Variants in SLCO3A1 observed in about 807,000 individuals in gnomAD.
The protein encoded by SLCO3A1 is solute carrier organic anion transporter family member 3A1.
SLCO3A1 carries 27 observed loss-of-function variants against 63.1 expected under a neutral mutation model. The observed-to-expected ratio is 0.43, with a 90% CI of 0.32 to 0.59. The LOEUF is 0.59. SLCO3A1 is among the 20% of genes least tolerant of loss of function. The probability of loss-of-function intolerance (pLI) is 0.09; values close to 1 mark genes in which losing one functional copy is unlikely to be tolerated. For missense variants in SLCO3A1, 773 were observed against 945.8 expected, an observed-to-expected ratio of 0.82 and a Z score of 2.40; for synonymous variants, 473 against 409.9, an observed-to-expected ratio of 1.15 and a Z score of -1.86.
intron 7 of SLCO3A1, among the ~76,000 whole-genome samples, chr15:92,132,154 G>A (rs2048004065): frequency 6.9e-6 from 1 of 145,436 alleles, no homozygotes; most frequent in South Asian, 2.2e-4. Flanking sequence ...GCCAGTTTCA[G>A]TACTAAAGAC....
intron 2 of SLCO3A1, among the ~76,000 whole-genome samples, chr15:92,028,972 G>GTGTGT (rs2046612564): frequency 1.8e-5 from 2 of 109,078 alleles, no homozygotes; most frequent in South Asian, 6.4e-4. Flanking sequence ...CCTGACCCAT[G>GTGTGT]GTCAAACAAC....
chr15:92,172,013 C>CGCA (rs1360641788), exon 11 of SLCO3A1: 1 of 642,318 alleles, frequency 1.6e-6, no homozygotes, highest in Non-Finnish European at 2.8e-6. Flanking sequence ...AGGCCCCAAG[C>CGCA]GCAGGCCTGT....
intron 2 of SLCO3A1, among the ~76,000 whole-genome samples, chr15:92,073,480 T>C (rs1231968898): frequency 6.6e-6 from 1 of 152,186 alleles, no homozygotes; most frequent in African/African-American, 2.4e-5. Context: ...TTTCATCTTT[T>C]CCTTTGGCAG....
chr15:91,878,483 G>A (rs949542178), intron 1 of SLCO3A1, among the ~76,000 whole-genome samples: 1 of 152,130 alleles, frequency 6.6e-6, no homozygotes, highest in African/African-American at 2.4e-5. Flanking sequence ...TGTTTGCAGG[G>A]CATGGTGTCA....
chr15:92,031,992 T>A (rs1263038776), intron 2 of SLCO3A1, among the ~76,000 whole-genome samples: 1 of 152,118 alleles, frequency 6.6e-6, no homozygotes, highest in Non-Finnish European at 1.5e-5. Context: ...TGTAAATGGA[T>A]GTCAGTTCTG....
Position 91,880,170 on chromosome 15 carries a change from C to CTATCTATCTATCTATCT in SLCO3A1, c.180+26082_180+26083insTATCTATCTATCTATCT, listed in dbSNP as rs1567168784. 3.6e-3 allele frequency among the ~76,000 whole-genome samples: 451 copies of CTATCTATCTATCTATCT among 126,124 alleles called. 5 individuals are homozygous for CTATCTATCTATCTATCT. Among genetic ancestry groups the CTATCTATCTATCTATCT allele is most frequent in the African/African-American group, 0.013 (408 of 31,590 alleles). 82.7% of individuals were successfully genotyped at this position (126,124 alleles called of 152,430 possible). A position where few individuals can be genotyped will look rare whatever the true frequency, so the allele number is the denominator to read the frequency against. On this transcript the variant is annotated intron_variant, in intron 1 of 9. Coordinates refer to ENST00000318445, the MANE Select transcript of SLCO3A1 (RefSeq NM_013272.4). ...CCATCCATCCATCCATCCATCCATC[C>CTATCTATCTATCTATCT]ATCTATCTATCTATCTATCTATCTA...
At position 91,957,191 on chromosome 15, in the gene SLCO3A1, G is replaced by C. The variant is rs150785089; in HGVS notation, c.646+40733G>C. Among the ~76,000 whole-genome samples the C allele has an allele frequency of 5.8e-3, 645 of 110,442 alleles. 7 individuals are homozygous for C. Among genetic ancestry groups the C allele is most frequent in the South Asian group, 0.018 (66 of 3,646 alleles). The allele number at this position is 110,442 out of a possible 152,430, so 72.5% of individuals were successfully genotyped here. A position where few individuals can be genotyped will look rare whatever the true frequency, so the allele number is the denominator to read the frequency against. ...TTTTTAGTAGAGACGGGGTTTTACT[G>C]TGTTTGCCAGGCTGGTCTCAAACCC... On this transcript the variant is annotated intron_variant, in intron 2 of 9. Coordinates refer to ENST00000318445, the MANE Select transcript of SLCO3A1 (RefSeq NM_013272.4).
chr15:91,974,658 A>G (rs1901027343), intron 2 of SLCO3A1, among the ~76,000 whole-genome samples: 1 of 152,070 alleles, frequency 6.6e-6, no homozygotes, highest in African/African-American at 2.4e-5. Context: ...CTCCCCAGGG[A>G]GCAGAGAATT....
In SLCO3A1 at chr15:91,982,792, T is replaced by C. The variant is rs1200036589; in HGVS notation, c.646+66334T>C. On this transcript the variant is annotated intron_variant, in intron 2 of 9. Transcript: ENST00000318445. Reference sequence around the variant, plus strand: ...CACCAGCCCTACAGGAGGTGTTTAATGGATGCTGGTGGGTGGGGAGCTGCA... The same window carrying C: ...CACCAGCCCTACAGGAGGTGTTTAACGGATGCTGGTGGGTGGGGAGCTGCA... 2.0e-5 allele frequency among the ~76,000 whole-genome samples: 3 copies of C among 152,370 alleles called. No homozygotes were observed. The South Asian group carries it at 6.2e-4, about 32-fold the overall frequency.
rs905556913 is a variant in SLCO3A1, at chr15:91,886,172, C to T, written c.181-29821C>T. ...GATTGTTCCCTTTCTTGAGTGTGTC[C>T]TGCGCTTCCCCTTGGTCTCCCTTAG... is the stretch of plus-strand genomic sequence containing the variant. On this transcript the variant is annotated intron_variant, in intron 1 of 9. Coordinates refer to ENST00000318445, the MANE Select transcript of SLCO3A1 (RefSeq NM_013272.4). The surrounding 1 kb of genome is among the most constrained non-coding windows in gnomAD (Gnocchi z 4.9). 1.5e-4 allele frequency among the ~76,000 whole-genome samples: 23 copies of T among 152,128 alleles called. No individual in the cohort carries two copies. Among genetic ancestry groups the T allele is most frequent in the African/African-American group, 5.1e-4 (21 of 41,402 alleles).
intron 1 of SLCO3A1, among the ~76,000 whole-genome samples, chr15:91,915,112 C>A (rs1432593575): frequency 6.6e-6 from 1 of 151,978 alleles, no homozygotes; most frequent in Non-Finnish European, 1.5e-5. Context: ...TCCTCATGGC[C>A]CCCTTGGTGT....
At chr15:91,926,223 C>T (rs1487340101) in intron 2 of SLCO3A1, among the ~76,000 whole-genome samples, 1 of 152,132 alleles carries the variant, frequency 6.6e-6, no homozygotes, top group Admixed American at 6.5e-5. Flanking sequence ...GACTTAGATG[C>T]CAAAAGGAGT....
At chr15:92,156,064 A>T (rs2048367542) in intron 9 of SLCO3A1, among the ~76,000 whole-genome samples, 1 of 152,156 alleles carries the variant, frequency 6.6e-6, no homozygotes, top group Non-Finnish European at 1.5e-5. Context: ...TACTCTGGAA[A>T]AGTACATCCT....
rs1897722006 is a variant in SLCO3A1 at position 91,886,276 on chromosome 15, A to G, written c.181-29717A>G. Among the ~76,000 whole-genome samples, 1 of 152,184 alleles carries G rather than the reference A, an allele frequency of 6.6e-6. No individual in the cohort carries two copies. Among genetic ancestry groups the G allele is most frequent in the Non-Finnish European group, 1.5e-5 (1 of 68,030 alleles). On this transcript the variant is annotated intron_variant, in intron 1 of 9. Transcript: ENST00000318445. This position sits in a 1 kb window ranked among gnomAD's most constrained non-coding sequence, Gnocchi z 4.9. Reference sequence around the variant, plus strand: ...GGATTGTATCTTTTTCTCACCAGCTAACTCTTACTAATTAGAAATTGACAA... The same window carrying G: ...GGATTGTATCTTTTTCTCACCAGCTGACTCTTACTAATTAGAAATTGACAA...
intron 2 of SLCO3A1, among the ~76,000 whole-genome samples, chr15:91,937,952 C>T (rs939283923): frequency 2.0e-5 from 3 of 152,194 alleles, no homozygotes. Context: ...GTTATGAGTA[C>T]CTACCTTATC....
chr15:91,971,307 A>G (rs915513127), intron 2 of SLCO3A1, among the ~76,000 whole-genome samples: 3 of 145,920 alleles, frequency 2.1e-5, no homozygotes, highest in African/African-American at 7.6e-5. Flanking sequence ...AGGCAGGACA[A>G]TGGGGTGAAC....
downstream of SLCO3A1, among the ~76,000 whole-genome samples, chr15:92,168,096 A>G (rs1454849264): frequency 6.6e-6 from 1 of 152,250 alleles, no homozygotes; most frequent in African/African-American, 2.4e-5. Flanking sequence ...CCCCATTTCA[A>G]TGAGCTGGAC....
chr15:92,106,810 C>T (rs1440916759), intron 4 of SLCO3A1, among the ~76,000 whole-genome samples: 1 of 152,120 alleles, frequency 6.6e-6, no homozygotes, highest in Non-Finnish European at 1.5e-5. Context: ...GAGAGAAGCC[C>T]ACCGCTCCTG....
At chr15:92,105,571 A>G (rs1489368365) in intron 4 of SLCO3A1, among the ~76,000 whole-genome samples, 1 of 152,190 alleles carries the variant, frequency 6.6e-6, no homozygotes, top group African/African-American at 2.4e-5. Flanking sequence ...GACGAGGAAA[A>G]TGACAAGGAG....
Sources: gnomAD v4.1 joint callset for allele counts (sites outside exome capture counted in the v4.1 genomes callset) on GRCh38, gnomAD v4.1.1 for gene constraint, Gnocchi (gnomAD v3.1) non-coding constraint, MANE v1.5 for transcripts, NCBI Gene and HGNC (gene_info 2026-07-23, HGNC 2026-07-21) for gene names.